The following AGPAT3 variants were observed in gnomAD, a reference collection of about 807,000 sequenced individuals.
AGPAT3 encodes the protein 1-acyl-sn-glycerol-3-phosphate acyltransferase gamma.
In AGPAT3, 5 loss-of-function variants were observed where a neutral mutation model predicts 47.3. The observed-to-expected ratio is 0.11, with a 90% CI of 0.06 to 0.22. The LOEUF (loss-of-function observed/expected upper bound fraction) is 0.22, where lower values mean the gene tolerates loss of function less well. AGPAT3 is among the 10% of genes least tolerant of loss of function. The pLI is 1.00. For synonymous variants in AGPAT3, 212 were observed against 208.3 expected (o/e 1.02, Z -0.15); for missense variants, 315 against 493.0 (o/e 0.64, Z 3.42).
Position 43,983,892 on chromosome 21 carries a change from G to C in AGPAT3, c.*1500G>C, listed in dbSNP as rs980028736. The C allele has an allele frequency of 9.2e-5, 14 of 152,386 alleles. No homozygotes were observed. Among genetic ancestry groups the C allele is most frequent in the Admixed American group, 2.0e-4 (3 of 15,306 alleles). The allele number at this position is 152,386 out of a possible 1,614,324, so 9.4% of individuals were successfully genotyped here. ...TAGAGGTAGGTTGAGTTTTCTAGGG[G>C]AAAACAAATGGAGAAAAGAGGCATG... is the stretch of plus-strand genomic sequence containing the variant. On this transcript the variant is annotated 3_prime_UTR_variant, in exon 10 of 10. Coordinates refer to ENST00000291572, the MANE Select transcript of AGPAT3 (RefSeq NM_020132.5).
At chr21:43,926,978 C>CAAAA (rs905520861) in intron 2 of AGPAT3, among the ~76,000 whole-genome samples, 2 of 54,450 alleles carry the variant, frequency 3.7e-5, no homozygotes, top group Non-Finnish European at 7.9e-5. Context: ...GACTCTGTCT[C>CAAAA]AAAAAAAAAA....
chr21:43,878,624 C>T (rs2085784137), intron 1 of AGPAT3, among the ~76,000 whole-genome samples: 2 of 152,320 alleles, frequency 1.3e-5, no homozygotes, highest in South Asian at 4.1e-4. Flanking sequence ...ACGTTAGACA[C>T]GTTGTTGCTG....
chr21:43,943,106 G>A (rs1038959401), intron 2 of AGPAT3, among the ~76,000 whole-genome samples: 2 of 151,948 alleles, frequency 1.3e-5, no homozygotes, highest in Non-Finnish European at 2.9e-5. Context: ...ATGGAGTCTC[G>A]CTCTGTCGCT....
intron 1 of AGPAT3, among the ~76,000 whole-genome samples, chr21:43,872,473 G>A (rs1007476724): frequency 2.6e-5 from 4 of 152,144 alleles, no homozygotes; most frequent in Non-Finnish European, 5.9e-5. Context: ...GAGCCACCGC[G>A]CCGGCCGTAA....
In AGPAT3 at chr21:43,876,087, G is replaced by A. The variant is rs146775879; in HGVS notation, c.-112+10742G>A. 4.6e-4 allele frequency among the ~76,000 whole-genome samples: 70 copies of A among 152,046 alleles called. 1 individual carries two copies. Among genetic ancestry groups the A allele is most frequent in the African/African-American group, 1.5e-3 (62 of 41,468 alleles). ...ACAGGCACCATGCCCAGCCTAACCT[G>A]TTCTTTTAATTTTCATTTTTTTAAT... is the stretch of plus-strand genomic sequence containing the variant. On this transcript the variant is annotated intron_variant, in intron 1 of 9. Transcript: ENST00000291572.
chr21:43,915,698 T>C (rs553860262), intron 2 of AGPAT3, among the ~76,000 whole-genome samples: 11 of 152,256 alleles, frequency 7.2e-5, no homozygotes, highest in African/African-American at 2.2e-4. Flanking sequence ...AGGCGTGAGC[T>C]ACTGTGCTGG....
At chr21:43,961,953 C>G (rs927654821) in intron 3 of AGPAT3, among the ~76,000 whole-genome samples, 4 of 151,980 alleles carry the variant, frequency 2.6e-5, no homozygotes, top group African/African-American at 9.7e-5. Context: ...AGCCCTTAGA[C>G]TAGCTTGTCT....
At position 43,954,106 on chromosome 21, in the gene AGPAT3, G is replaced by A. The variant is rs1449002653; in HGVS notation, c.-48-5528G>A. 1.3e-5 allele frequency among the ~76,000 whole-genome samples: 2 copies of A among 152,274 alleles called. No individual in the cohort carries two copies. The highest frequency in any genetic ancestry group is 1.3e-4 in the Admixed American group (2 of 15,292). On this transcript the variant is annotated intron_variant, in intron 2 of 9. Coordinates refer to ENST00000291572, the MANE Select transcript of AGPAT3 (RefSeq NM_020132.5). The surrounding 1 kb of genome is among the most constrained non-coding windows in gnomAD (Gnocchi z 4.0). ...CGCTCTCATGGGCTCACGAGCAAAT[G>A]CTCTAGGGGGCCACTGAGTCCAGGC...
At chr21:43,960,763 A>G (rs138999286) in intron 3 of AGPAT3, 1 of 985,450 alleles carries the variant, frequency 1.0e-6, no homozygotes, top group East Asian at 1.1e-4. Context: ...AAAAGGAAGT[A>G]TACAACAAAG....
intron 7 of AGPAT3, 113 bp downstream of exon 7, chr21:43,971,603 G>A: frequency 1.0e-6 from 1 of 952,916 alleles, no homozygotes; most frequent in Non-Finnish European, 1.6e-6. Context: ...AGCCCCGCAG[G>A]GTGGAACTCA....
intron 2 of AGPAT3, among the ~76,000 whole-genome samples, chr21:43,912,536 T>C (rs1232575976): frequency 2.6e-5 from 4 of 152,240 alleles, no homozygotes; most frequent in Non-Finnish European, 4.4e-5. Context: ...TTCTCTCCTT[T>C]ACTCGTCCTA....
intron 2 of AGPAT3, chr21:43,925,463 G>C (rs1285481631): frequency 6.6e-6 from 1 of 152,406 alleles, no homozygotes; most frequent in Non-Finnish European, 1.5e-5. Flanking sequence ...TAAGGACAGC[G>C]GGGCTGCCCC....
intron 1 of AGPAT3, among the ~76,000 whole-genome samples, chr21:43,879,407 C>T (rs139224793): frequency 4.5e-4 from 68 of 150,724 alleles, no homozygotes; most frequent in African/African-American, 1.6e-3. Context: ...AGCTTCATCT[C>T]CTGTGAATAC....
intron 4 of AGPAT3, among the ~76,000 whole-genome samples, chr21:43,968,427 G>A (rs1182185930): frequency 1.3e-5 from 2 of 151,492 alleles, no homozygotes; most frequent in Non-Finnish European, 3.0e-5. Flanking sequence ...GGGTGCTGGG[G>A]TGAGCAAGAG....
At chr21:43,899,842 C>A (rs562517811) in intron 1 of AGPAT3, among the ~76,000 whole-genome samples, 1 of 152,096 alleles carries the variant, frequency 6.6e-6, no homozygotes, top group Non-Finnish European at 1.5e-5. Flanking sequence ...TGACCCAGCC[C>A]CGGTGATGCT....
intron 1 of AGPAT3, among the ~76,000 whole-genome samples, chr21:43,874,941 C>T (rs2085700752): frequency 6.6e-6 from 1 of 152,050 alleles, no homozygotes; most frequent in Non-Finnish European, 1.5e-5. Context: ...AAAATGGTGT[C>T]GTATTTGTAT....
At chr21:43,974,752 G>A (rs1291060428) in intron 7 of AGPAT3, among the ~76,000 whole-genome samples, 1 of 152,022 alleles carries the variant, frequency 6.6e-6, no homozygotes, top group Non-Finnish European at 1.5e-5. Flanking sequence ...GTACGACATG[G>A]GGCTGTGTGT....
chr21:43,890,715 GT>G (rs34632493), intron 1 of AGPAT3, among the ~76,000 whole-genome samples: 2 of 143,882 alleles, frequency 1.4e-5, no homozygotes, highest in African/African-American at 5.1e-5. Context: ...GCCCAGCCAG[GT>G]TTTTTTTTTT....
intron 2 of AGPAT3, among the ~76,000 whole-genome samples, chr21:43,931,779 T>C (rs2087252644): frequency 6.6e-6 from 1 of 152,134 alleles, no homozygotes; most frequent in Non-Finnish European, 1.5e-5. Flanking sequence ...TATGCCAAAA[T>C]CCATTATTTC....
Sources: gnomAD v4.1 joint callset for allele counts (sites outside exome capture counted in the v4.1 genomes callset) on GRCh38, gnomAD v4.1.1 for gene constraint, Gnocchi (gnomAD v3.1) non-coding constraint, MANE v1.5 for transcripts, NCBI Gene and HGNC (gene_info 2026-07-23, HGNC 2026-07-21) for gene names.